PRIM2: variants seen among roughly 807,000 people sequenced by gnomAD.
PRIM2 encodes the protein DNA primase large subunit.
PRIM2 carries 39 observed loss-of-function variants against 67.3 expected under a neutral mutation model. The observed-to-expected ratio is 0.58, with a 90% CI of 0.45 to 0.76. The LOEUF (loss-of-function observed/expected upper bound fraction) is 0.76. Ranked by LOEUF, PRIM2 falls within the 30% of genes least tolerant of loss-of-function variation. PRIM2 has a pLI of 0.00. For synonymous variants in PRIM2, 143 were observed against 198.7 expected (o/e 0.72, Z 2.36); for missense variants, 398 against 598.7 (o/e 0.66, Z 3.50).
At chr6:57,362,260 T>C (rs1220767288) in intron 5 of PRIM2, among the ~76,000 whole-genome samples, 1 of 152,180 alleles carries the variant, frequency 6.6e-6, no homozygotes, top group East Asian at 1.9e-4. Flanking sequence ...AAATATACGA[T>C]AGAAATATAA....
chr6:57,396,131 G>A (rs1008083082), intron 7 of PRIM2, among the ~76,000 whole-genome samples: 4 of 152,148 alleles, frequency 2.6e-5, no homozygotes, highest in Non-Finnish European at 5.9e-5. Context: ...TGTATTCTGA[G>A]GTTGTTGGAT....
intron 11 of PRIM2, among the ~76,000 whole-genome samples, chr6:57,601,446 G>A (rs1175951684): frequency 0.095 from 14,389 of 152,248 alleles, 840 homozygotes; most frequent in African/African-American, 0.16. Context: ...GTTTGTGCTG[G>A]ATTAGGCTTT....
At chr6:57,566,133 C>A (rs1775733710) in intron 10 of PRIM2, among the ~76,000 whole-genome samples, 1 of 136,500 alleles carries the variant, frequency 7.3e-6, no homozygotes, top group Non-Finnish European at 1.6e-5. Context: ...TATTTGTTTG[C>A]TTTTTTTGTG....
At chr6:57,413,112 C>T (rs1771145454) in intron 7 of PRIM2, among the ~76,000 whole-genome samples, 1 of 151,436 alleles carries the variant, frequency 6.6e-6, no homozygotes, top group South Asian at 2.1e-4. Flanking sequence ...GAGACCACTT[C>T]AGCCTTGCAA....
intron 8 of PRIM2, among the ~76,000 whole-genome samples, chr6:57,528,822 G>T (rs1359679986): frequency 1.3e-5 from 2 of 152,182 alleles, no homozygotes; most frequent in Non-Finnish European, 2.9e-5. Context: ...TATTGGTCAA[G>T]ACTGCAATTG....
intron 7 of PRIM2, among the ~76,000 whole-genome samples, chr6:57,469,662 A>C (rs1481011802): frequency 6.6e-6 from 1 of 152,186 alleles, no homozygotes; most frequent in African/African-American, 2.4e-5. Flanking sequence ...CTTATGCAGT[A>C]AATTTGAAGT....
At chr6:57,252,086 T>A in the PRIM2 span, among the ~76,000 whole-genome samples, 2 of 152,350 alleles carry the variant, frequency 1.3e-5, no homozygotes, top group African/African-American at 4.8e-5. Context: ...TTTGAATTAA[T>A]CACAATATAA....
At chr6:57,300,005 G>C in the PRIM2 span, among the ~76,000 whole-genome samples, 1 of 152,172 alleles carries the variant, frequency 6.6e-6, no homozygotes, top group Admixed American at 6.5e-5. Flanking sequence ...TGGGGAGAGA[G>C]AAATGGAGCA....
chr6:57,232,742 C>T, the PRIM2 span, among the ~76,000 whole-genome samples: 36 of 152,244 alleles, frequency 2.4e-4, no homozygotes, highest in African/African-American at 8.4e-4. Flanking sequence ...GCAGACTCCT[C>T]CTTCTTGCTC....
chr6:57,282,203 A>G, the PRIM2 span, among the ~76,000 whole-genome samples: 1 of 152,056 alleles, frequency 6.6e-6, no homozygotes, highest in South Asian at 2.1e-4. Context: ...TATATTTCTT[A>G]TTATTTTGTA....
intron 7 of PRIM2, among the ~76,000 whole-genome samples, chr6:57,414,729 T>C (rs1264357161): frequency 6.6e-6 from 1 of 152,172 alleles, no homozygotes; most frequent in Non-Finnish European, 1.5e-5. Flanking sequence ...TGGACTGTTA[T>C]GTATTGGATA....
intron 10 of PRIM2, among the ~76,000 whole-genome samples, chr6:57,596,778 T>A (rs1776375490): frequency 6.6e-6 from 1 of 151,532 alleles, no homozygotes; most frequent in Non-Finnish European, 1.5e-5. Flanking sequence ...TTATTACTTT[T>A]ATTATCTTTT....
chr6:57,277,275 C>A, the PRIM2 span, among the ~76,000 whole-genome samples: 2 of 152,200 alleles, frequency 1.3e-5, no homozygotes, highest in Admixed American at 1.3e-4. Context: ...TTCTAGGACA[C>A]AGCAGTGAAC....
chr6:57,454,449 A>G (rs923628052), intron 7 of PRIM2, among the ~76,000 whole-genome samples: 2 of 152,112 alleles, frequency 1.3e-5, no homozygotes, highest in African/African-American at 2.4e-5. Flanking sequence ...GGTATTAATT[A>G]TTGCCTCAAT....
chr6:57,401,705 T>G (rs1037294177), intron 7 of PRIM2, among the ~76,000 whole-genome samples: 1 of 152,116 alleles, frequency 6.6e-6, no homozygotes, highest in African/African-American at 2.4e-5. Flanking sequence ...GGGGCTCCAC[T>G]CCAGAGACGT....
intron 5 of PRIM2, among the ~76,000 whole-genome samples, chr6:57,363,165 G>T (rs1233814473): frequency 1.3e-5 from 2 of 152,072 alleles, no homozygotes; most frequent in Non-Finnish European, 2.9e-5. Context: ...ATGAACTATT[G>T]ACCATCTCAG....
intron 7 of PRIM2, among the ~76,000 whole-genome samples, chr6:57,452,555 T>C (rs1772593152): frequency 6.6e-6 from 1 of 152,252 alleles, no homozygotes. Context: ...CGTTTTTTCA[T>C]GTGTCTTTTG....
intron 7 of PRIM2, among the ~76,000 whole-genome samples, chr6:57,446,872 G>A (rs1772385457): frequency 6.6e-6 from 1 of 152,178 alleles, no homozygotes; most frequent in Non-Finnish European, 1.5e-5. Flanking sequence ...TTCCATGATG[G>A]AAGGGAAGGT....
chr6:57,314,250 C>A (rs527922987), upstream of PRIM2, among the ~76,000 whole-genome samples: 12 of 152,290 alleles, frequency 7.9e-5, no homozygotes, highest in African/African-American at 2.4e-4. Context: ...CGCAGTGGCT[C>A]ACGCCTATAA....
Sources: allele counts gnomAD v4.1 joint callset (sites outside exome capture counted in the v4.1 genomes callset), GRCh38; gene constraint gnomAD v4.1.1; transcripts MANE v1.5; gene names NCBI Gene and HGNC (gene_info 2026-07-23, HGNC 2026-07-21).